LRRK2: variants seen among roughly 807,000 people sequenced by gnomAD.
LRRK2 encodes leucine rich repeat kinase 2, also known as leucine-rich repeat serine/threonine-protein kinase 2.
A neutral mutation model predicts 302.6 loss-of-function variants in LRRK2; 203 were observed. That is an observed-to-expected ratio of 0.67 (90% CI 0.60 to 0.75). The LOEUF (loss-of-function observed/expected upper bound fraction) is 0.75, where lower values mean the gene tolerates loss of function less well. Ranked by LOEUF, LRRK2 falls within the 30% of genes least tolerant of loss-of-function variation. The probability of loss-of-function intolerance (pLI) is 0.00; values close to 1 mark genes in which losing one functional copy is unlikely to be tolerated. For synonymous variants in LRRK2, 1,066 were observed against 1,031.9 expected (o/e 1.03, Z -0.63); for missense variants, 2,830 against 2,951.0 (o/e 0.96, Z 0.95).
chr12:40,257,972 CAT>C (rs971060014), intron 12 of LRRK2, among the ~76,000 whole-genome samples: 2 of 151,898 alleles, frequency 1.3e-5, no homozygotes, highest in African/African-American at 4.8e-5. Context: ...GCAGAACTCT[CAT>C]GTGTAAAAAA....
intron 46 of LRRK2, 97 bp from the exon 47 acceptor site, chr12:40,359,163 A>C (rs1327762373): frequency 2.0e-6 from 2 of 1,007,196 alleles, no homozygotes; most frequent in African/African-American, 1.6e-5. Context: ...CTAATCATTT[A>C]AGATGGAAAG....
chr12:40,225,005 C>G lies in LRRK2; in HGVS notation c.-127C>G. 7.8e-7 allele frequency: 1 copy of G among 1,278,232 alleles called. No homozygotes were observed. The highest frequency in any genetic ancestry group is 1.1e-6 in the Non-Finnish European group (1 of 909,966). The allele number at this position is 1,278,232 out of a possible 1,614,324, so 79.2% of individuals were successfully genotyped here. A position where few individuals can be genotyped will look rare whatever the true frequency, so the allele number is the denominator to read the frequency against. ...CGGGCGTGGGCGCCGATGGGGCCCG[C>G]GGGGAGCGCTGGCTGCGGGCGGTGA... On this transcript the variant is annotated 5_prime_UTR_variant, in exon 1 of 51. Coordinates refer to ENST00000298910, the MANE Select transcript of LRRK2 (RefSeq NM_198578.4).
chr12:40,328,408 A>T lies in LRRK2; in HGVS notation c.5705A>T (p.Glu1902Val). 6.2e-7 allele frequency: 1 copy of T among 1,613,750 alleles called. No individual in the cohort carries two copies. The highest frequency in any genetic ancestry group is 8.5e-7 in the Non-Finnish European group (1 of 1,179,800). Residue 1902 changes from glutamate (E) to valine (V), a missense_variant, in exon 39 of 51, where the codon GAA (glutamate) becomes GTA (valine). By Grantham distance (121) the Glu-to-Val change is moderately radical. Coordinates refer to ENST00000298910, the MANE Select transcript of LRRK2 (RefSeq NM_198578.4). ...TACCGAGCAGCCTATGAAGGAGAAG[A>T]AGTGGCTGTGAAGATTTTTAATAAA... ...SVYRAAYEGE[E>V]VAVKIFNKHT...
chr12:40,363,268 A>C, intron 47 of LRRK2, 134 bp from the exon 48 acceptor site: 3 of 718,710 alleles, frequency 4.2e-6, no homozygotes, highest in Non-Finnish European at 6.8e-6. Context: ...AATATGAAAT[A>C]ATTGCAATAG....
In LRRK2 at chr12:40,251,362, C is replaced by T; in HGVS notation, c.1089C>T (p.Asn363=). Residue 363 remains asparagine (N), a synonymous_variant, in exon 9 of 51, where the codon AAC becomes AAT. Coordinates refer to ENST00000298910, the MANE Select transcript of LRRK2 (RefSeq NM_198578.4). The stretch of plus-strand genomic sequence containing the variant: ...AAGCATTAACGTGGCATAGAAAGAA[C>T]AAGCACGTGCAGGTAGGACTCTCAT... ...CYKALTWHRK[N]KHVQEAACWA... is the part of the protein sequence containing the mutation. The T allele has an allele frequency of 6.2e-7, 1 of 1,613,914 alleles. No homozygotes were observed. Among genetic ancestry groups the T allele is most frequent in the Non-Finnish European group, 8.5e-7 (1 of 1,179,900 alleles).
Position 40,314,111 on chromosome 12 carries a change from A to G in LRRK2, c.4676A>G (p.Glu1559Gly), listed in dbSNP as rs753263134. 1.2e-6 allele frequency: 2 copies of G among 1,612,790 alleles called. No individual in the cohort carries two copies. The highest frequency in any genetic ancestry group is 1.1e-5 in the South Asian group (1 of 91,066). ...DRKRLLQLVR[E>G]NQLQLDENEL... is the part of the protein sequence containing the mutation. The stretch of plus-strand genomic sequence containing the variant: ...AAACGATTATTACAACTAGTGAGAG[A>G]AAATCAGCTGCAGTTAGATGAAAAT... The change falls in exon 32 of 51, where the codon GAA (glutamate) becomes GGA (glycine). Residue 1559 changes from glutamate (E) to glycine (G), a missense_variant. This residue lies in a region of LRRK2 where 2,121 missense variants were observed against 2,148.0 expected (regional missense o/e 0.99). Transcript: ENST00000298910.
intron 40 of LRRK2, among the ~76,000 whole-genome samples, chr12:40,336,349 CT>C (rs1381409639): frequency 2.0e-5 from 3 of 152,194 alleles, no homozygotes; most frequent in Non-Finnish European, 2.9e-5. Context: ...TCTCCAGCCC[CT>C]ATAGGACTAT....
intron 5 of LRRK2, among the ~76,000 whole-genome samples, chr12:40,239,264 G>T (rs1338321571): frequency 2.0e-5 from 3 of 152,146 alleles, no homozygotes; most frequent in African/African-American, 7.2e-5. Flanking sequence ...CTGGTACCCA[G>T]CTCTTTGATA....
chr12:40,343,908 T>C (rs1043243697), intron 41 of LRRK2, among the ~76,000 whole-genome samples: 2 of 152,218 alleles, frequency 1.3e-5, no homozygotes, highest in Non-Finnish European at 2.9e-5. Flanking sequence ...TAGAAGGGTA[T>C]TATATTATAA....
chr12:40,365,173 A>G lies in LRRK2; in HGVS notation c.7390+123A>G, dbSNP rs1286030894. ...TATGGATGGTCTTGGAGGGTCACAC[A>G]GTGAAACATAAGACTGGTATAAATT... On this transcript the variant is annotated intron_variant, in intron 49 of 50. Transcript: ENST00000298910. The G allele has an allele frequency of 3.5e-6, 3 of 854,844 alleles. No homozygotes were observed. In the South Asian group the frequency reaches 4.5e-5, roughly 13 times the overall value. 53.0% of individuals were successfully genotyped at this position (854,844 alleles called of 1,614,324 possible).
At chr12:40,302,125 C>T (rs902135575) in intron 25 of LRRK2, among the ~76,000 whole-genome samples, 1 of 152,080 alleles carries the variant, frequency 6.6e-6, no homozygotes, top group African/African-American at 2.4e-5. Context: ...TTGCATTGAG[C>T]TGAGATCACG....
chr12:40,322,777 A>G (rs1208846634), intron 37 of LRRK2, among the ~76,000 whole-genome samples: 2 of 152,064 alleles, frequency 1.3e-5, no homozygotes, highest in Admixed American at 6.6e-5. Context: ...AACCACATCT[A>G]TCTCATAGAA....
At position 40,346,893 on chromosome 12, in the gene LRRK2, G is replaced by A. The variant is rs752357114; in HGVS notation, c.6250G>A (p.Asp2084Asn). The change falls in exon 42 of 51, where the codon GAT (aspartate) becomes AAT (asparagine). Residue 2084 changes from aspartate to asparagine, a missense_variant. Physicochemically the swap from Asp to Asn is conservative, Grantham distance 23. Around this residue, in one of 3 missense-constraint regions of LRRK2, gnomAD observed 253 missense variants for 346.7 expected, o/e 0.73. Coordinates refer to ENST00000298910, the MANE Select transcript of LRRK2 (RefSeq NM_198578.4). ...VEGLKFPNEF[D>N]ELEIQGKLPD... is the part of the protein sequence containing the mutation. ...GGGTTTGAAGTTTCCAAATGAGTTTGATGAATTAGAAATACAAGGAAAATT... is the reference window on the plus strand; with the variant it reads ...GGGTTTGAAGTTTCCAAATGAGTTTAATGAATTAGAAATACAAGGAAAATT... 1.9e-6 allele frequency: 3 copies of A among 1,612,222 alleles called. No individual in the cohort carries two copies. The highest frequency in any genetic ancestry group is 2.5e-6 in the Non-Finnish European group (3 of 1,179,516).
intron 40 of LRRK2, among the ~76,000 whole-genome samples, chr12:40,338,868 G>A (rs147849253): frequency 1.8e-3 from 270 of 152,230 alleles, no homozygotes; most frequent in Non-Finnish European, 2.7e-3. Context: ...CTTCAGCAGG[G>A]GAAGAGTACC....
At chr12:40,295,795 C>A (rs1944365596) in intron 23 of LRRK2, 151 bp downstream of exon 23, 2 of 685,974 alleles carry the variant, frequency 2.9e-6, no homozygotes, top group Admixed American at 2.5e-5. Context: ...GCACACATAT[C>A]TTAGTCTGTG....
rs532510403 is a variant in LRRK2 at position 40,310,983 on chromosome 12, G to T, written c.4536+334G>T. 1.3e-4 allele frequency among the ~76,000 whole-genome samples: 20 copies of T among 152,226 alleles called. No homozygotes were observed. In the South Asian group the frequency reaches 3.9e-3, roughly 30 times the overall value. On this transcript the variant is annotated intron_variant, in intron 31 of 50. Coordinates refer to ENST00000298910, the MANE Select transcript of LRRK2 (RefSeq NM_198578.4). ...TCTTATAGTGGTGATTCAATCACAA[G>T]GGTAAAGGTGAATACTGAGGTCTTG...
At chr12:40,330,580 T>C (rs1945684331) in intron 39 of LRRK2, among the ~76,000 whole-genome samples, 2 of 152,206 alleles carry the variant, frequency 1.3e-5, no homozygotes, top group Non-Finnish European at 2.9e-5. Context: ...TCTCTTCTAT[T>C]ATTTATTATT....
intron 47 of LRRK2, among the ~76,000 whole-genome samples, 172 bp downstream of exon 47, chr12:40,359,616 C>A (rs924247167): frequency 2.6e-5 from 4 of 151,908 alleles, no homozygotes; most frequent in Non-Finnish European, 5.9e-5. Flanking sequence ...TTCCAGAAAG[C>A]AGAAGGGTAT....
intron 13 of LRRK2, 68 bp from the exon 14 acceptor site, chr12:40,263,721 G>A (rs1592183385): frequency 9.1e-7 from 1 of 1,096,810 alleles, no homozygotes; most frequent in East Asian, 2.5e-5. Context: ...TTTCTAGAAA[G>A]TAACAGTCTG....
Sources: allele counts gnomAD v4.1 joint callset (sites outside exome capture counted in the v4.1 genomes callset), GRCh38; gene constraint gnomAD v4.1.1; regional missense constraint gnomAD v4.1.1; transcripts MANE v1.5; gene names NCBI Gene and HGNC (gene_info 2026-07-23, HGNC 2026-07-21).